ULK4: variants seen among roughly 807,000 people sequenced by gnomAD.
The protein encoded by ULK4 is inactive serine/threonine-protein kinase ULK4.
Under a neutral mutation model 160.6 loss-of-function variants are expected in ULK4, and 133 were observed. The observed-to-expected ratio is 0.83, with a 90% CI of 0.72 to 0.96. ULK4 has a LOEUF of 0.96. ULK4 is among the 40% of genes least tolerant of loss of function. The pLI is 0.00. For synonymous variants in ULK4, 534 were observed against 539.8 expected (o/e 0.99, Z 0.15); for missense variants, 1,580 against 1,499.5 (o/e 1.05, Z -0.89).
chr3:41,691,928 T>C (rs1042944043), intron 27 of ULK4, among the ~76,000 whole-genome samples: 32 of 149,728 alleles, frequency 2.1e-4, no homozygotes, highest in African/African-American at 7.3e-4. Context: ...AAAAATTATC[T>C]TCATCAAATC....
chr3:41,723,839 G>A (rs1011084449), intron 22 of ULK4, among the ~76,000 whole-genome samples: 4 of 152,212 alleles, frequency 2.6e-5, no homozygotes, highest in Non-Finnish European at 4.4e-5. Context: ...CCCAGTGGGC[G>A]CCTGGGACTC....
At chr3:41,774,442 C>G (rs1428241036) in intron 21 of ULK4, among the ~76,000 whole-genome samples, 1 of 150,516 alleles carries the variant, frequency 6.6e-6, no homozygotes, top group African/African-American at 2.5e-5. Flanking sequence ...CAAAAGAAGA[C>G]ATTTATGCAG....
At chr3:41,591,497 A>AG (rs1030759756) in intron 31 of ULK4, among the ~76,000 whole-genome samples, 4 of 151,806 alleles carry the variant, frequency 2.6e-5, no homozygotes, top group African/African-American at 7.3e-5. Flanking sequence ...ATGAGCTTAA[A>AG]AAAAAAAAAG....
intron 16 of ULK4, among the ~76,000 whole-genome samples, chr3:41,889,378 T>C (rs1697835087): frequency 6.6e-6 from 1 of 152,140 alleles, no homozygotes; most frequent in Non-Finnish European, 1.5e-5. Flanking sequence ...TCAAATATGA[T>C]TGTTGAAATT....
chr3:41,825,903 C>A lies in ULK4; in HGVS notation c.1765-6397G>T, dbSNP rs377358463. Among the ~76,000 whole-genome samples, 69 of 152,214 alleles carry A rather than the reference C, an allele frequency of 4.5e-4. 3 individuals carry two copies. In the South Asian group the frequency reaches 0.014, roughly 31 times the overall value. On this transcript the variant is annotated intron_variant, in intron 18 of 36. Transcript: ENST00000301831. ...TGAAGAACAAAATGTTAAGGGCAGC[C>A]AGAGAGAAAGGTCGGGTTACCCACA...
chr3:41,298,799 A>C lies in ULK4; in HGVS notation c.3679-49225T>G, dbSNP rs116874064. Among the ~76,000 whole-genome samples the C allele has an allele frequency of 1.3e-4, 20 of 152,336 alleles. No individual in the cohort carries two copies. The East Asian group carries it at 3.9e-3, about 29-fold the overall frequency. ...AGGATGGGCACCATGACCAACCCAA[A>C]GGGATGCACACTGGTGTGTACTAGT... is the stretch of plus-strand genomic sequence containing the variant. On this transcript the variant is annotated intron_variant, in intron 35 of 36. Coordinates refer to ENST00000301831, the MANE Select transcript of ULK4 (RefSeq NM_017886.4).
chr3:41,865,729 T>C (rs982555282), intron 17 of ULK4, among the ~76,000 whole-genome samples: 10 of 152,102 alleles, frequency 6.6e-5, no homozygotes, highest in African/African-American at 2.4e-4. Context: ...TACCAAAAAA[T>C]TTTTTTAAAT....
chr3:41,398,703 T>C (rs1190731193), intron 34 of ULK4, among the ~76,000 whole-genome samples: 1 of 152,040 alleles, frequency 6.6e-6, no homozygotes, highest in African/African-American at 2.4e-5. Context: ...AAATACTTTT[T>C]TAAATGCATC....
chr3:41,475,232 C>T (rs2084104658), intron 32 of ULK4, among the ~76,000 whole-genome samples: 2 of 152,208 alleles, frequency 1.3e-5, no homozygotes, highest in East Asian at 1.9e-4. Context: ...GTGAAATAAA[C>T]CAGACACGGG....
chr3:41,830,995 A>C (rs2041560782), intron 18 of ULK4, among the ~76,000 whole-genome samples: 1 of 146,914 alleles, frequency 6.8e-6, no homozygotes, highest in African/African-American at 2.6e-5. Flanking sequence ...TCGCACAGGG[A>C]ATGTTTTTAT....
chr3:41,942,061 C>T (rs962508924), intron 2 of ULK4, among the ~76,000 whole-genome samples: 3 of 152,158 alleles, frequency 2.0e-5, no homozygotes, highest in Non-Finnish European at 4.4e-5. Context: ...AACCACCTAT[C>T]CACGGTTACT....
chr3:41,637,785 T>C (rs960451658), intron 30 of ULK4, among the ~76,000 whole-genome samples: 2 of 152,234 alleles, frequency 1.3e-5, no homozygotes, highest in African/African-American at 4.8e-5. Context: ...ATTTCCCTGA[T>C]GATTAGTAAT....
chr3:41,279,305 G>A (rs1394979534), intron 35 of ULK4, among the ~76,000 whole-genome samples: 2 of 139,236 alleles, frequency 1.4e-5, no homozygotes, highest in African/African-American at 5.6e-5. Context: ...AGAAATATGA[G>A]ACTATGTGAA....
intron 32 of ULK4, among the ~76,000 whole-genome samples, chr3:41,549,171 C>T (rs1266412374): frequency 6.6e-6 from 1 of 152,068 alleles, no homozygotes; most frequent in Non-Finnish European, 1.5e-5. Context: ...CAAAGGAACA[C>T]AATAATTGTC....
intron 35 of ULK4, among the ~76,000 whole-genome samples, chr3:41,274,675 T>C (rs138538387): frequency 4.8e-4 from 73 of 152,322 alleles, no homozygotes; most frequent in African/African-American, 1.7e-3. Flanking sequence ...TATGACTATA[T>C]TGAAGCAGAA....
intron 20 of ULK4, among the ~76,000 whole-genome samples, chr3:41,794,682 A>G (rs1310659972): frequency 4.6e-5 from 6 of 130,284 alleles, no homozygotes; most frequent in African/African-American, 1.6e-4. Flanking sequence ...AAAAAAAAAA[A>G]AAAACACAGA....
At chr3:41,844,315 T>C (rs1273812215) in intron 17 of ULK4, among the ~76,000 whole-genome samples, 1 of 151,982 alleles carries the variant, frequency 6.6e-6, no homozygotes, top group African/African-American at 2.4e-5. Context: ...CCCTGCCCCA[T>C]GGGAAGGCAG....
intron 2 of ULK4, among the ~76,000 whole-genome samples, chr3:41,941,956 C>A (rs1699973386): frequency 6.6e-6 from 1 of 151,804 alleles, no homozygotes; most frequent in Non-Finnish European, 1.5e-5. Flanking sequence ...GCAATTCCTT[C>A]CAGCACTCCT....
chr3:41,781,828 A>C (rs1440028736), intron 21 of ULK4, among the ~76,000 whole-genome samples: 2 of 151,932 alleles, frequency 1.3e-5, no homozygotes, highest in Non-Finnish European at 2.9e-5. Context: ...AATCCCAGCT[A>C]CTCGGGAGGC....
Sources: gnomAD v4.1 joint callset for allele counts (sites outside exome capture counted in the v4.1 genomes callset) on GRCh38, gnomAD v4.1.1 for gene constraint, MANE v1.5 for transcripts, NCBI Gene and HGNC (gene_info 2026-07-23, HGNC 2026-07-21) for gene names.